Variants in PBX3 observed in about 807,000 individuals in gnomAD.
The protein encoded by PBX3 is pre-B-cell leukemia transcription factor 3.
Under a neutral mutation model 48.5 loss-of-function variants are expected in PBX3, and 14 were observed. That is an observed-to-expected ratio of 0.29 (90% confidence interval 0.19 to 0.45). PBX3 has a LOEUF of 0.45. Among genes scored for constraint, PBX3 ranks in the 20% least tolerant of loss-of-function variants. The probability of loss-of-function intolerance (pLI) is 1.00; values close to 1 mark genes in which losing one functional copy is unlikely to be tolerated. For synonymous variants in PBX3, 210 were observed against 200.3 expected, an observed-to-expected ratio of 1.05 and a Z score of -0.41; for missense variants, 386 against 546.7, an observed-to-expected ratio of 0.71 and a Z score of 2.93.
intron 2 of PBX3, among the ~76,000 whole-genome samples, chr9:125,812,762 A>T (rs974267266): frequency 6.6e-6 from 1 of 152,256 alleles, no homozygotes; most frequent in Non-Finnish European, 1.5e-5. Context: ...GCTATATGGG[A>T]TAGCTCATTA....
chr9:125,848,436 G>T (rs1294819366), intron 2 of PBX3, among the ~76,000 whole-genome samples: 5 of 151,984 alleles, frequency 3.3e-5, no homozygotes, highest in African/African-American at 1.2e-4. Context: ...GAGTACAATA[G>T]TTGTGTCTTA....
intron 2 of PBX3, among the ~76,000 whole-genome samples, chr9:125,800,942 G>A (rs148521450): frequency 0.037 from 5,604 of 151,800 alleles, 370 homozygotes; most frequent in African/African-American, 0.13. Flanking sequence ...TAGTAGAGAC[G>A]GGATTTCACC....
intron 2 of PBX3, among the ~76,000 whole-genome samples, chr9:125,791,705 G>A (rs1225221161): frequency 1.3e-5 from 2 of 152,108 alleles, no homozygotes; most frequent in African/African-American, 4.8e-5. Flanking sequence ...GGAGGCCAAG[G>A]CGGGAGGATC....
At chr9:125,919,300 G>A (rs1243351622) in intron 3 of PBX3, among the ~76,000 whole-genome samples, 2 of 150,068 alleles carry the variant, frequency 1.3e-5, no homozygotes, top group South Asian at 2.1e-4. Flanking sequence ...TGCGACCTCC[G>A]CTTCCCAGGT....
At chr9:125,813,152 C>T (rs1239748926) in intron 2 of PBX3, among the ~76,000 whole-genome samples, 1 of 152,184 alleles carries the variant, frequency 6.6e-6, no homozygotes, top group Admixed American at 6.5e-5. Context: ...TTTGTAATAA[C>T]ACTTAGCTTA....
intron 2 of PBX3, among the ~76,000 whole-genome samples, chr9:125,819,439 C>A (rs1173498367): frequency 6.6e-6 from 1 of 151,826 alleles, no homozygotes; most frequent in East Asian, 2.0e-4. Context: ...GGCAGGAGAT[C>A]ACTTGAACCC....
intron 2 of PBX3, among the ~76,000 whole-genome samples, chr9:125,834,499 G>A: frequency 6.6e-6 from 1 of 151,706 alleles, no homozygotes; most frequent in Non-Finnish European, 1.5e-5. Flanking sequence ...CCAGGCTCAA[G>A]GGATTCTCCT....
intron 2 of PBX3, among the ~76,000 whole-genome samples, chr9:125,899,348 T>C (rs898105801): frequency 1.0e-5 from 1 of 98,456 alleles, no homozygotes; most frequent in Non-Finnish European, 2.1e-5. Flanking sequence ...TATATGTATA[T>C]ATTTTTATAT....
intron 2 of PBX3, among the ~76,000 whole-genome samples, chr9:125,849,611 C>G (rs1163832143): frequency 6.6e-6 from 1 of 151,946 alleles, no homozygotes; most frequent in Non-Finnish European, 1.5e-5. Context: ...CTCTTATAAT[C>G]AATATCATGT....
At chr9:125,765,958 G>A (rs537741448) in intron 2 of PBX3, among the ~76,000 whole-genome samples, 58 of 152,242 alleles carry the variant, frequency 3.8e-4, no homozygotes, top group African/African-American at 1.3e-3. Context: ...GATATTTTCT[G>A]AGTCATTAAA....
intron 2 of PBX3, among the ~76,000 whole-genome samples, chr9:125,888,645 TAC>T (rs1840560771): frequency 6.6e-6 from 1 of 152,156 alleles, no homozygotes; most frequent in Non-Finnish European, 1.5e-5. Flanking sequence ...CTTGATTACT[TAC>T]TCATTATAAA....
intron 5 of PBX3, among the ~76,000 whole-genome samples, chr9:125,955,330 C>T (rs1842282109): frequency 6.6e-6 from 1 of 152,198 alleles, no homozygotes; most frequent in Non-Finnish European, 1.5e-5. Context: ...CTTGCTCCTG[C>T]TCCTCCCCAG....
chr9:125,829,474 A>G (rs1252596991), intron 2 of PBX3, among the ~76,000 whole-genome samples: 1 of 152,202 alleles, frequency 6.6e-6, no homozygotes, highest in African/African-American at 2.4e-5. Flanking sequence ...TTCTAATATT[A>G]GGTGAGTAAT....
intron 2 of PBX3, among the ~76,000 whole-genome samples, chr9:125,778,649 C>G (rs1248016938): frequency 7.5e-6 from 1 of 132,900 alleles, no homozygotes; most frequent in Non-Finnish European, 1.6e-5. Context: ...ATAAATTGTC[C>G]TAAAGTTTTA....
chr9:125,943,101 T>C (rs1841991428), intron 5 of PBX3, among the ~76,000 whole-genome samples: 1 of 152,018 alleles, frequency 6.6e-6, no homozygotes, highest in Non-Finnish European at 1.5e-5. Flanking sequence ...GCACAGTGGC[T>C]CACACCTGTA....
chr9:125,928,073 C>G (rs1299858383), intron 3 of PBX3, among the ~76,000 whole-genome samples: 1 of 151,776 alleles, frequency 6.6e-6, no homozygotes, highest in Non-Finnish European at 1.5e-5. Flanking sequence ...GTCCCAGCTA[C>G]TCGGGAGGCT....
intron 5 of PBX3, among the ~76,000 whole-genome samples, chr9:125,956,559 C>A (rs192701246): frequency 5.3e-5 from 8 of 152,316 alleles, no homozygotes; most frequent in Admixed American, 5.2e-4. Context: ...AGAAAAGTTC[C>A]AGAAAATCAG....
chr9:125,772,552 G>A lies in PBX3; in HGVS notation c.274+23929G>A, dbSNP rs1038844773. ...AAATTAATAGATGAGTCCTACTTCT[G>A]AACTGCTGCTTAATTGATTTGTAAC... On this transcript the variant is annotated intron_variant, in intron 2 of 8. Transcript: ENST00000373489. Among the ~76,000 whole-genome samples, 3 of 152,218 alleles carry A rather than the reference G, an allele frequency of 2.0e-5. No homozygotes were observed. In the East Asian group the frequency reaches 5.8e-4, roughly 29 times the overall value.
intron 2 of PBX3, among the ~76,000 whole-genome samples, chr9:125,893,086 A>T (rs1421044697): frequency 6.6e-6 from 1 of 152,226 alleles, no homozygotes; most frequent in Non-Finnish European, 1.5e-5. Flanking sequence ...CATCATAAAC[A>T]ATGGTGCAAC....
Sources: gnomAD v4.1 joint callset for allele counts (sites outside exome capture counted in the v4.1 genomes callset) on GRCh38, gnomAD v4.1.1 for gene constraint, MANE v1.5 for transcripts, NCBI Gene and HGNC (gene_info 2026-07-23, HGNC 2026-07-21) for gene names.